The following OSBPL9 variants were observed in gnomAD, a reference collection of about 807,000 sequenced individuals.
The protein encoded by OSBPL9 is oxysterol binding protein like 9.
In OSBPL9, 40 loss-of-function variants were observed where a neutral mutation model predicts 106.6. That is an observed-to-expected ratio of 0.38 (90% CI 0.29 to 0.49). OSBPL9 has a LOEUF of 0.49. OSBPL9 is among the 20% of genes least tolerant of loss of function. The probability of loss-of-function intolerance (pLI) is 0.97; values close to 1 mark genes in which losing one functional copy is unlikely to be tolerated. For synonymous variants in OSBPL9, 269 were observed against 295.4 expected (o/e 0.91, Z 0.92); for missense variants, 609 against 887.2 (o/e 0.69, Z 3.98).
intron 3 of OSBPL9, among the ~76,000 whole-genome samples, chr1:51,710,832 A>T (rs1202094037): frequency 6.6e-6 from 1 of 152,104 alleles, no homozygotes; most frequent in African/African-American, 2.4e-5. Flanking sequence ...TTTTACTGAG[A>T]TGTGCCCAAC....
intron 9 of OSBPL9, 27 bp downstream of exon 9, chr1:51,756,385 C>T: frequency 6.2e-7 from 1 of 1,603,904 alleles, no homozygotes; most frequent in Non-Finnish European, 8.5e-7. Context: ...CTTTTTGTTT[C>T]CCTTTACTTC....
chr1:51,518,830 G>T, the OSBPL9 span, among the ~76,000 whole-genome samples: 1 of 151,958 alleles, frequency 6.6e-6, no homozygotes, highest in South Asian at 2.1e-4. Flanking sequence ...CCTGGGATGC[G>T]TGCGGCCCTG....
intron 2 of OSBPL9, among the ~76,000 whole-genome samples, chr1:51,603,216 TTAAG>T (rs779981430): frequency 3.3e-5 from 5 of 152,336 alleles, no homozygotes; most frequent in Non-Finnish European, 4.4e-5. Context: ...ATGATTTCAC[TTAAG>T]TATGAATAAG....
Position 51,781,180 on chromosome 1 carries a change from G to A in OSBPL9, c.1273G>A (p.Asp425Asn). ...DLFVSISDQK[D>N]PKDRMVQVVK... The stretch of plus-strand genomic sequence containing the variant: ...CCCTTGCAGCATTAGTGACCAGAAG[G>A]ATCCCAAGGATCGAATGGTTCAGGT... Residue 425 changes from aspartate (D) to asparagine (N), a missense_variant, in exon 16 of 24, where the codon GAT becomes AAT. Coordinates refer to ENST00000428468, the MANE Select transcript of OSBPL9 (RefSeq NM_024586.6). 1.9e-6 allele frequency: 3 copies of A among 1,613,986 alleles called. No individual in the cohort carries two copies. The highest frequency in any genetic ancestry group is 2.5e-6 in the Non-Finnish European group (3 of 1,179,970).
At chr1:51,772,830 C>T in intron 14 of OSBPL9, 107 bp downstream of exon 14, 2 of 790,688 alleles carry the variant, frequency 2.5e-6, no homozygotes, top group African/African-American at 1.7e-5. Flanking sequence ...TCTTTTTATA[C>T]CTGTGTCTTC....
At chr1:51,663,194 A>T (rs750280237) in intron 2 of OSBPL9, among the ~76,000 whole-genome samples, 7 of 152,200 alleles carry the variant, frequency 4.6e-5, no homozygotes, top group Non-Finnish European at 8.8e-5. Context: ...GAAATGATAA[A>T]ACATTATTGA....
At chr1:51,748,257 C>T (rs1209814829) in intron 6 of OSBPL9, 112 bp from the exon 7 acceptor site, 17 of 1,306,630 alleles carry the variant, frequency 1.3e-5, no homozygotes, top group Non-Finnish European at 1.7e-5. Flanking sequence ...TGCTTGTACT[C>T]ACTTAGAATG....
chr1:51,640,911 G>A (rs1645752351), intron 1 of OSBPL9, among the ~76,000 whole-genome samples: 1 of 151,286 alleles, frequency 6.6e-6, no homozygotes, highest in South Asian at 2.1e-4. Context: ...AGCCCCCTGA[G>A]TACCTAGGAT....
At chr1:51,766,618 G>A (rs1672609907) in intron 12 of OSBPL9, among the ~76,000 whole-genome samples, 1 of 152,178 alleles carries the variant, frequency 6.6e-6, no homozygotes, top group South Asian at 2.1e-4. Flanking sequence ...GTGTTATGGA[G>A]CAAAAGGGGC....
intron 13 of OSBPL9, among the ~76,000 whole-genome samples, 159 bp from the exon 14 acceptor site, chr1:51,772,446 T>C (rs779155613): frequency 2.6e-5 from 4 of 152,168 alleles, no homozygotes; most frequent in Non-Finnish European, 4.4e-5. Context: ...ACCTGGAAGA[T>C]GGAGGTTTAC....
chr1:51,616,296 A>C (rs1009074370), upstream of OSBPL9, among the ~76,000 whole-genome samples: 2 of 152,032 alleles, frequency 1.3e-5, no homozygotes, highest in African/African-American at 2.4e-5. Flanking sequence ...ATAAATGCTT[A>C]AATTGCCCCT....
At chr1:51,719,339 A>AGACCAGAGGGCGTGCT (rs915946625) in intron 4 of OSBPL9, among the ~76,000 whole-genome samples, 10 of 152,186 alleles carry the variant, frequency 6.6e-5, no homozygotes, top group Non-Finnish European at 5.9e-5. Flanking sequence ...CTTGAAGGGG[A>AGACCAGAGGGCGTGCT]GACCAGAGGG....
chr1:51,648,518 T>G (rs1229957018), intron 1 of OSBPL9, among the ~76,000 whole-genome samples: 1 of 152,196 alleles, frequency 6.6e-6, no homozygotes, highest in Non-Finnish European at 1.5e-5. Context: ...ATTGGTCAGC[T>G]TCCTTTATCA....
rs558868926 is a variant in OSBPL9, at chr1:51,729,419, A to T, written c.318+15340A>T. 1 of 152,388 alleles carries T rather than the reference A, an allele frequency of 6.6e-6. No homozygotes were observed. Among genetic ancestry groups the T allele is most frequent in the East Asian group, 1.9e-4 (1 of 5,166 alleles). 9.4% of individuals were successfully genotyped at this position (152,388 alleles called of 1,614,324 possible). ...GCCCGCGGGCCCTTCTCCAGCCGCT[A>T]CCCAGTGGGAATCCGCGGGGCTGAA... On this transcript the variant is annotated intron_variant, in intron 4 of 23. Transcript: ENST00000428468. This position sits in a 1 kb window ranked among gnomAD's most constrained non-coding sequence, Gnocchi z 5.1.
At chr1:51,550,547 C>T in the OSBPL9 span, among the ~76,000 whole-genome samples, 1 of 152,224 alleles carries the variant, frequency 6.6e-6, no homozygotes, top group East Asian at 1.9e-4. Flanking sequence ...GAGTCTCGCT[C>T]TGTTACCCAG....
rs1571617386 is a variant in OSBPL9, at chr1:51,762,277, A to G, written c.778+306A>G. ...GGGCTCACTGTAGTTTTGACCTCCC[A>G]GGCCTCAGGCTCCCAAGTAGCTGGG... On this transcript the variant is annotated intron_variant, in intron 11 of 23. Transcript: ENST00000428468. Among the ~76,000 whole-genome samples, 4 of 152,030 alleles carry G rather than the reference A, an allele frequency of 2.6e-5. No homozygotes were observed. In the South Asian group the frequency reaches 8.3e-4, roughly 32 times the overall value.
At chr1:51,576,403 T>C (rs1411382843), upstream of OSBPL9, among the ~76,000 whole-genome samples, 2 of 152,194 alleles carry the variant, frequency 1.3e-5, no homozygotes, top group Non-Finnish European at 2.9e-5. Flanking sequence ...CAAAAAGATG[T>C]GTTATGTATT....
At chr1:51,555,344 G>C in the OSBPL9 span, among the ~76,000 whole-genome samples, 2 of 151,778 alleles carry the variant, frequency 1.3e-5, no homozygotes, top group Non-Finnish European at 2.9e-5. Flanking sequence ...ACAAAAATTA[G>C]CTGGGCATGG....
At chr1:51,756,585 G>T in intron 9 of OSBPL9, 1 of 502,244 alleles carries the variant, frequency 2.0e-6, no homozygotes, top group Non-Finnish European at 3.6e-6. Context: ...GAATCACTTT[G>T]CATGTATTAA....
Sources: gnomAD v4.1 joint callset for allele counts (sites outside exome capture counted in the v4.1 genomes callset) on GRCh38, gnomAD v4.1.1 for gene constraint, Gnocchi (gnomAD v3.1) non-coding constraint, MANE v1.5 for transcripts, NCBI Gene and HGNC (gene_info 2026-07-23, HGNC 2026-07-21) for gene names.